The following RIPOR2 variants were observed in gnomAD, a reference collection of about 807,000 sequenced individuals.
RIPOR2 encodes the protein rho family-interacting cell polarization regulator 2.
Under a neutral mutation model 114.5 loss-of-function variants are expected in RIPOR2, and 39 were observed. The observed-to-expected ratio is 0.34, with a 90% CI of 0.26 to 0.44. The LOEUF is 0.44. Among genes scored for constraint, RIPOR2 ranks in the 20% least tolerant of loss-of-function variants. RIPOR2 has a pLI of 1.00. For synonymous variants in RIPOR2, 445 were observed against 484.4 expected (o/e 0.92, Z 1.07); for missense variants, 1,007 against 1,255.1 (o/e 0.80, Z 2.99).
At chr6:24,926,778 A>G (rs1276602048) in intron 1 of RIPOR2, among the ~76,000 whole-genome samples, 1 of 152,100 alleles carries the variant, frequency 6.6e-6, no homozygotes, top group African/African-American at 2.4e-5. Context: ...TTTCAAGTAT[A>G]TCATACATTA....
intron 1 of RIPOR2, among the ~76,000 whole-genome samples, chr6:24,966,956 C>T (rs556827636): frequency 7.0e-4 from 106 of 152,298 alleles, no homozygotes; most frequent in Non-Finnish European, 1.3e-3. Flanking sequence ...AGGAGCTGTA[C>T]AGAGGTGAAG....
In RIPOR2 at chr6:24,825,303, T is replaced by C. The variant is rs1043539384; in HGVS notation, c.2791A>G (p.Arg931Gly). The change falls in exon 19 of 22, where the codon AGA (arginine) becomes GGA (glycine). Residue 931 changes from arginine to glycine, a missense_variant. Physicochemically the swap from Arg to Gly is moderately radical, Grantham distance 125. Coordinates refer to ENST00000643898, the MANE Select transcript of RIPOR2 (RefSeq NM_001286445.3). ...VLRTLALLLT[R>G]EDNEVSEAVT... The stretch of plus-strand genomic sequence containing the variant: ...GCCTCACTAACTTCGTTGTCCTCTC[T>C]GGTTAATAGCAGAGCCAGAGTCCTG... 16 of 1,551,792 alleles carry C rather than the reference T, an allele frequency of 1.0e-5. No individual in the cohort carries two copies. The highest frequency in any genetic ancestry group is 1.4e-5 in the Non-Finnish European group (16 of 1,146,958).
rs1458335060 is a variant in RIPOR2, at chr6:24,835,783, G to A, written c.2128C>T (p.Pro710Ser). 6.4e-7 allele frequency: 1 copy of A among 1,551,592 alleles called. No homozygotes were observed. Among genetic ancestry groups the A allele is most frequent in the South Asian group, 1.2e-5 (1 of 84,056 alleles). ...TGVGTSVAGS[P>S]LPLTTGNESL... ...TCGTTGCCTGTGGTCAGTGGGAGAG[G>A]ACTTCCTGCCACACTGGTCCCAACT... is the stretch of plus-strand genomic sequence containing the variant. The change falls in exon 15 of 22, where the codon CCT becomes TCT. Residue 710 changes from proline (P) to serine (S), a missense_variant. Pro to Ser is a moderately conservative substitution (Grantham distance 74). Coordinates refer to ENST00000643898, the MANE Select transcript of RIPOR2 (RefSeq NM_001286445.3).
intron 8 of RIPOR2, among the ~76,000 whole-genome samples, chr6:24,855,178 T>C (rs1763336305): frequency 6.6e-6 from 1 of 151,846 alleles, no homozygotes. Flanking sequence ...AAGGAGAAAA[T>C]TAAATTTTTG....
chr6:24,859,339 G>A (rs1763828283), intron 8 of RIPOR2, among the ~76,000 whole-genome samples: 1 of 152,296 alleles, frequency 6.6e-6, no homozygotes, highest in East Asian at 1.9e-4. Flanking sequence ...TGTGGGTGGC[G>A]TCTGAGAGTT....
chr6:24,873,476 C>T (rs1481840811), intron 3 of RIPOR2, among the ~76,000 whole-genome samples, 168 bp downstream of exon 3: 1 of 152,196 alleles, frequency 6.6e-6, no homozygotes, highest in East Asian at 1.9e-4. Flanking sequence ...ATGTGGAATA[C>T]CAATATATTT....
At chr6:25,021,709 G>C (rs1345765237) in intron 1 of RIPOR2, among the ~76,000 whole-genome samples, 2 of 152,120 alleles carry the variant, frequency 1.3e-5, no homozygotes, top group Non-Finnish European at 2.9e-5. Flanking sequence ...CGATTGATGG[G>C]TCAAAATCTC....
At chr6:24,980,064 C>G (rs914443931) in intron 1 of RIPOR2, among the ~76,000 whole-genome samples, 1 of 152,168 alleles carries the variant, frequency 6.6e-6, no homozygotes, top group Non-Finnish European at 1.5e-5. Flanking sequence ...GGTTAAAGCC[C>G]TCTGCTAGGA....
At chr6:25,015,896 G>GT (rs869301317) in intron 1 of RIPOR2, 4 of 45,836 alleles carry the variant, frequency 8.7e-5, no homozygotes, top group Admixed American at 3.3e-4. Context: ...AGGTTTTTTG[G>GT]TTTTTTTTTT....
intron 1 of RIPOR2, among the ~76,000 whole-genome samples, chr6:25,026,045 G>GTT (rs796470668): frequency 4.1e-5 from 6 of 146,264 alleles, no homozygotes; most frequent in African/African-American, 7.4e-5. Context: ...AAAGATTGTT[G>GTT]TTTTTTTTTT....
intron 9 of RIPOR2, among the ~76,000 whole-genome samples, chr6:24,851,118 C>T (rs1762857637): frequency 6.6e-6 from 1 of 152,150 alleles, no homozygotes; most frequent in Non-Finnish European, 1.5e-5. Flanking sequence ...TGGTCTCAAA[C>T]TCCTGACCTC....
chr6:24,844,010 T>C (rs1473707991), intron 12 of RIPOR2, among the ~76,000 whole-genome samples: 2 of 152,188 alleles, frequency 1.3e-5, no homozygotes, highest in African/African-American at 2.4e-5. Context: ...TGATGTTTTG[T>C]TCTGCTTCAA....
At chr6:24,948,295 T>G (rs1270988998) in intron 1 of RIPOR2, 1 of 152,210 alleles carries the variant, frequency 6.6e-6, no homozygotes, top group Non-Finnish European at 1.5e-5. Context: ...ATTCTCCCAG[T>G]AGAGATCCCC....
At position 24,843,457 on chromosome 6, in the gene RIPOR2, G is replaced by T; in HGVS notation, c.1262C>A (p.Ala421Asp). 6.2e-7 allele frequency: 1 copy of T among 1,609,830 alleles called. No individual in the cohort carries two copies. Among genetic ancestry groups the T allele is most frequent in the Non-Finnish European group, 8.5e-7 (1 of 1,176,624 alleles). The part of the protein sequence containing the change: ...SFSDLPNGDC[A>D]LTSHSTGSPS... ...GGAGCCTGTTGAGTGGGAGGTGAGGGCGCAGTCCCCGTTGGGCAGGTCACT... is the reference window on the plus strand; with the variant it reads ...GGAGCCTGTTGAGTGGGAGGTGAGGTCGCAGTCCCCGTTGGGCAGGTCACT... The change falls in exon 13 of 22, where the codon GCC becomes GAC. Residue 421 changes from alanine to aspartate, a missense_variant. By Grantham distance (126) the Ala-to-Asp change is moderately radical. Transcript: ENST00000643898.
At chr6:25,015,896 G>C (rs813933) in intron 1 of RIPOR2, 2 of 45,836 alleles carry the variant, frequency 4.4e-5, no homozygotes, top group African/African-American at 7.1e-5. Context: ...AGGTTTTTTG[G>C]TTTTTTTTTT....
intron 16 of RIPOR2, among the ~76,000 whole-genome samples, chr6:24,831,691 A>C (rs548602517): frequency 2.0e-5 from 3 of 152,360 alleles, no homozygotes; most frequent in South Asian, 4.1e-4. Flanking sequence ...GTTTCTGCTG[A>C]ATATCTGATA....
chr6:24,998,933 A>AT (rs1316354588), intron 1 of RIPOR2, among the ~76,000 whole-genome samples: 5 of 151,588 alleles, frequency 3.3e-5, no homozygotes, highest in Non-Finnish European at 7.4e-5. Flanking sequence ...CTATAGGAAC[A>AT]TTTTTGGGTG....
At chr6:25,004,989 AC>A (rs1775488747) in intron 1 of RIPOR2, among the ~76,000 whole-genome samples, 4 of 166 alleles carry the variant, frequency 0.024, no homozygotes, top group Admixed American at 0.14. Flanking sequence ...AATAGGCTAC[AC>A]ACACACACAC....
At position 24,835,769 on chromosome 6, in the gene RIPOR2, G is replaced by A. The variant is rs41271803; in HGVS notation, c.2142C>T (p.Thr714=). The A allele has an allele frequency of 9.0e-6, 14 of 1,551,570 alleles. No homozygotes were observed. Among genetic ancestry groups the A allele is most frequent in the Non-Finnish European group, 1.2e-5 (14 of 1,146,940 alleles). The change falls in exon 15 of 22, where the codon ACC becomes ACT. Residue 714 remains threonine (T), a synonymous_variant. Coordinates refer to ENST00000643898, the MANE Select transcript of RIPOR2 (RefSeq NM_001286445.3). ...TGATGTCCAGGCTCTCGTTGCCTGT[G>A]GTCAGTGGGAGAGGACTTCCTGCCA... The part of the protein sequence containing the change: ...TSVAGSPLPL[T]TGNESLDITI...
Sources: allele counts gnomAD v4.1 joint callset (sites outside exome capture counted in the v4.1 genomes callset), GRCh38; gene constraint gnomAD v4.1.1; transcripts MANE v1.5; gene names NCBI Gene and HGNC (gene_info 2026-07-23, HGNC 2026-07-21).